Variants in ADGRF1 observed in about 807,000 individuals in gnomAD.
ADGRF1 encodes the protein adhesion G protein-coupled receptor F1.
In ADGRF1, 85 loss-of-function variants were observed where a neutral mutation model predicts 87.2. The ratio of observed to expected loss-of-function variants is 0.97; its 90% CI spans 0.82 to 1.17. ADGRF1 has a LOEUF of 1.17. Ranked by LOEUF, ADGRF1 falls within the 50% of genes most tolerant of loss-of-function variation. ADGRF1 has a pLI of 0.00. For missense variants in ADGRF1, 1,169 were observed against 1,077.2 expected (o/e 1.09, Z -1.19); for synonymous variants, 430 against 408.8 (o/e 1.05, Z -0.63).
chr6:47,019,648 C>T (rs1226495), intron 7 of ADGRF1: 14,806 of 541,500 alleles, frequency 0.027, 1,224 homozygotes, highest in African/African-American at 0.2. Flanking sequence ...CGTGCCACTG[C>T]ACTCCAGCCT....
chr6:47,025,436 G>C (rs1472452839), intron 4 of ADGRF1, among the ~76,000 whole-genome samples: 2 of 152,252 alleles, frequency 1.3e-5, no homozygotes, highest in African/African-American at 4.8e-5. Flanking sequence ...TATTAATGTT[G>C]TTTGCCAAAT....
intron 7 of ADGRF1, 124 bp from the exon 8 acceptor site, chr6:47,016,892 G>T: frequency 7.6e-7 from 1 of 1,317,766 alleles, no homozygotes; most frequent in Non-Finnish European, 9.8e-7. Context: ...TTACATTCTA[G>T]TGGATAAGGC....
intron 5 of ADGRF1, among the ~76,000 whole-genome samples, chr6:47,023,072 T>C (rs1310858652): frequency 6.6e-6 from 1 of 152,190 alleles, no homozygotes; most frequent in African/African-American, 2.4e-5. Context: ...GCCTTAGGCT[T>C]CCAAATTGCT....
At chr6:47,038,160 C>T (rs1394121477) in intron 1 of ADGRF1, among the ~76,000 whole-genome samples, 2 of 152,148 alleles carry the variant, frequency 1.3e-5, no homozygotes, top group Admixed American at 6.6e-5. Flanking sequence ...CGTGTCCGGC[C>T]GAAGAATGTG....
intron 4 of ADGRF1, 100 bp downstream of exon 4, chr6:47,025,754 A>G (rs578157782): frequency 9.5e-7 from 1 of 1,049,358 alleles, no homozygotes; most frequent in African/African-American, 1.6e-5. Context: ...TAAATCACAG[A>G]GATTGTAGGG....
chr6:47,011,809 G>C (rs1779715376), intron 10 of ADGRF1, among the ~76,000 whole-genome samples, 198 bp downstream of exon 10: 1 of 152,196 alleles, frequency 6.6e-6, no homozygotes, highest in Non-Finnish European at 1.5e-5. Flanking sequence ...ACCTGCATAA[G>C]AGCAGCTCTG....
Position 47,001,482 on chromosome 6 carries a change from T to C in ADGRF1, c.2659+19A>G, listed in dbSNP as rs372465397. ...CTCTTTTCACACCTTTTATAACCTT[T>C]GGTTTTATTGTAACTCACCTTTGTT... On this transcript the variant is annotated intron_variant, in intron 14 of 14. Coordinates refer to ENST00000371253, the MANE Select transcript of ADGRF1 (RefSeq NM_153840.4). 1.1e-5 allele frequency: 18 copies of C among 1,608,366 alleles called. No individual in the cohort carries two copies. The highest frequency in any genetic ancestry group is 5.0e-5 in the Admixed American group (3 of 59,778).
chr6:47,016,658 A>T lies in ADGRF1; in HGVS notation c.722T>A (p.Leu241Gln), dbSNP rs777933321. 8 of 1,611,184 alleles carry T rather than the reference A, an allele frequency of 5.0e-6. No individual in the cohort carries two copies. In the South Asian group the frequency reaches 7.7e-5, roughly 16 times the overall value. ...AEKAKTALHK[L>Q]FPLEDGSFRV... ...GAAAGAGCCGTCTTCTAATGGAAAC[A>T]GCTTGTGAAGGGCTGTCTTAGCCTT... The change falls in exon 8 of 15, where the codon CTG becomes CAG. Residue 241 changes from leucine (L) to glutamine (Q), a missense_variant. By Grantham distance (113) the Leu-to-Gln change is moderately radical. Coordinates refer to ENST00000371253, the MANE Select transcript of ADGRF1 (RefSeq NM_153840.4).
At chr6:47,004,820 G>T (rs1211583719) in intron 13 of ADGRF1, among the ~76,000 whole-genome samples, 1 of 152,116 alleles carries the variant, frequency 6.6e-6, no homozygotes, top group Non-Finnish European at 1.5e-5. Context: ...TTAAAACTTA[G>T]AGACGAAGTG....
chr6:47,026,074 A>T, intron 3 of ADGRF1, 71 bp from the exon 4 acceptor site: 1 of 1,347,344 alleles, frequency 7.4e-7, no homozygotes, highest in Non-Finnish European at 1.0e-6. Flanking sequence ...GAAGTGACTG[A>T]GAAACAATCA....
rs1779727129 is a variant in ADGRF1 at position 47,012,152 on chromosome 6, G to T, written c.971C>A (p.Ser324Ter). The T allele has an allele frequency of 1.2e-6, 2 of 1,613,968 alleles. No individual in the cohort carries two copies. The highest frequency in any genetic ancestry group is 8.5e-7 in the Non-Finnish European group (1 of 1,179,862). ...IVGNATEAAV[S>*]SFVQNLSVII... ...GACAGAAAGATTTTGCACGAAGGAT[G>T]ACACAGCTGCCTCAGTGGCATTGCC... Residue 324 changes from serine (S) to a stop codon, truncating the protein, a stop_gained, in exon 10 of 15, where the codon TCA (serine) becomes TAA (stop). Transcript: ENST00000371253. LOFTEE classifies it high-confidence loss of function.
rs1742379880 is a variant in ADGRF1 at position 47,008,975 on chromosome 6, A to G, written c.2460T>C (p.His820=). ...TIVDSQNLAW[H]VIFALLNAFQ... ...ATGCATTGAGTAAAGCAAAAATAAC[A>G]TGCCAAGCCAGATTCTGGCTGTCCA... The change falls in exon 11 of 15, where the codon CAT becomes CAC. Residue 820 remains histidine (H), a synonymous_variant. Transcript: ENST00000371253. 1.9e-6 allele frequency: 3 copies of G among 1,605,450 alleles called. No individual in the cohort carries two copies. Among genetic ancestry groups the G allele is most frequent in the Non-Finnish European group, 2.6e-6 (3 of 1,174,030 alleles).
At position 47,042,190 on chromosome 6, in the gene ADGRF1, C is replaced by T. The variant is rs1780758154; in HGVS notation, c.-44+1G>A. 1 of 152,120 alleles carries T rather than the reference C, an allele frequency of 6.6e-6. No individual in the cohort carries two copies. Among genetic ancestry groups the T allele is most frequent in the African/African-American group, 2.4e-5 (1 of 41,410 alleles). The allele number at this position is 152,120 out of a possible 1,614,324, so 9.4% of individuals were successfully genotyped here. On this transcript the variant is annotated splice_donor_variant, in intron 1 of 14. Coordinates refer to ENST00000371253, the MANE Select transcript of ADGRF1 (RefSeq NM_153840.4). LOFTEE classifies it low-confidence loss of function (5UTR_SPLICE). ...AATCAAAGTACAGTTATTGGGCTTACCTGGTGATTTATCTCTTCACACCAG... is the reference window on the plus strand; with the variant it reads ...AATCAAAGTACAGTTATTGGGCTTATCTGGTGATTTATCTCTTCACACCAG...
intron 8 of ADGRF1, among the ~76,000 whole-genome samples, chr6:47,015,436 G>A (rs900562491): frequency 1.1e-4 from 16 of 151,972 alleles, no homozygotes; most frequent in East Asian, 1.9e-4. Context: ...TTCAGATGGG[G>A]TTGCACTCTT....
At chr6:47,033,462 T>G (rs1780495329) in intron 1 of ADGRF1, among the ~76,000 whole-genome samples, 1 of 152,264 alleles carries the variant, frequency 6.6e-6, no homozygotes, top group South Asian at 2.1e-4. Context: ...TCCAGCATTC[T>G]TGGCAACAAT....
chr6:47,013,260 G>A (rs1469966994), intron 9 of ADGRF1: 2 of 985,298 alleles, frequency 2.0e-6, no homozygotes, highest in Admixed American at 6.2e-5. Flanking sequence ...CAAGCCACCT[G>A]GGATCTGCCT....
At chr6:47,008,076 T>C (rs1377003962) in intron 11 of ADGRF1, among the ~76,000 whole-genome samples, 1 of 152,216 alleles carries the variant, frequency 6.6e-6, no homozygotes, top group Non-Finnish European at 1.5e-5. Flanking sequence ...TATCTCTATT[T>C]AAAAGATGAG....
At position 47,012,052 on chromosome 6, in the gene ADGRF1, A is replaced by G. The variant is rs561897296; in HGVS notation, c.1071T>C (p.Ser357=). ...SVVSILSNIS[S]LSLASHFRVS... is the part of the protein sequence containing the mutation. ...CCCTGAAATGGCTGGCCAGTGACAGAGATGAAATATTGCTCAGAATCGACA... is the reference window on the plus strand; with the variant it reads ...CCCTGAAATGGCTGGCCAGTGACAGGGATGAAATATTGCTCAGAATCGACA... The change falls in exon 10 of 15, where the codon TCT becomes TCC. Residue 357 remains serine (S), a synonymous_variant. Transcript: ENST00000371253. 1 of 1,614,010 alleles carries G rather than the reference A, an allele frequency of 6.2e-7. No homozygotes were observed. The highest frequency in any genetic ancestry group is 2.2e-5 in the East Asian group (1 of 44,864).
intron 1 of ADGRF1, among the ~76,000 whole-genome samples, chr6:47,031,481 C>T (rs1023269725): frequency 6.6e-6 from 1 of 151,952 alleles, no homozygotes; most frequent in Non-Finnish European, 1.5e-5. Context: ...TGTGGGAAAG[C>T]CTTCTCTCAT....
Sources: gnomAD v4.1 joint callset for allele counts (sites outside exome capture counted in the v4.1 genomes callset) on GRCh38, gnomAD v4.1.1 for gene constraint, MANE v1.5 for transcripts, NCBI Gene and HGNC (gene_info 2026-07-23, HGNC 2026-07-21) for gene names.